FAM3B: variants seen among roughly 807,000 people sequenced by gnomAD.
FAM3B encodes the protein protein FAM3B.
In FAM3B, 29 loss-of-function variants were observed where a neutral mutation model predicts 28.4. The ratio of observed to expected loss-of-function variants is 1.02; its 90% CI spans 0.76 to 1.39. FAM3B has a LOEUF of 1.39. FAM3B is among the 40% of genes most tolerant of loss of function. The pLI, the probability that FAM3B is intolerant of heterozygous loss-of-function variation, is 0.00. For missense variants in FAM3B, 266 were observed against 293.9 expected (o/e 0.91, Z 0.69); for synonymous variants, 91 against 103.0 (o/e 0.88, Z 0.71).
chr21:41,342,501 T>C (rs2089016274), intron 3 of FAM3B, among the ~76,000 whole-genome samples: 1 of 152,182 alleles, frequency 6.6e-6, no homozygotes, highest in African/African-American at 2.4e-5. Context: ...CTAGAGCCTA[T>C]AGTCTATTTT....
rs1018707492 is a variant in FAM3B at position 41,349,897 on chromosome 21, C to T, written c.618+1173C>T. On this transcript the variant is annotated intron_variant, in intron 7 of 7. Transcript: ENST00000357985. ...GAGCCAGGAAGCCAGCCCTGCAGAA[C>T]GTGTAGGGAATGTTTCCCGGGGCCC... Among the ~76,000 whole-genome samples the T allele has an allele frequency of 1.1e-4, 16 of 152,198 alleles. No homozygotes were observed. In the South Asian group the frequency reaches 3.1e-3, roughly 30 times the overall value.
At chr21:41,327,578 G>C (rs1464515028) in intron 2 of FAM3B, among the ~76,000 whole-genome samples, 1 of 152,152 alleles carries the variant, frequency 6.6e-6, no homozygotes, top group Non-Finnish European at 1.5e-5. Context: ...CCCATTGGTT[G>C]TTCGGGAACA....
At chr21:41,307,468 T>C (rs983439421) in intron 1 of FAM3B, among the ~76,000 whole-genome samples, 3 of 152,258 alleles carry the variant, frequency 2.0e-5, no homozygotes, top group African/African-American at 7.2e-5. Flanking sequence ...TTAAAAACTT[T>C]CCTTTGCATT....
Position 41,348,517 on chromosome 21 carries a change from A to G in FAM3B, c.486-75A>G, listed in dbSNP as rs1172858211. On this transcript the variant is annotated intron_variant, in intron 6 of 7. Coordinates refer to ENST00000357985, the MANE Select transcript of FAM3B (RefSeq NM_058186.4). The stretch of plus-strand genomic sequence containing the variant: ...CCTCCATCCAAGGATGCACAGCGTA[A>G]CACATCCAGAGCAGAGTTCCTCTCC... 3.8e-6 allele frequency: 6 copies of G among 1,570,884 alleles called. No individual in the cohort carries two copies. The South Asian group carries it at 6.7e-5, about 18-fold the overall frequency.
chr21:41,316,621 G>C (rs1483658329), upstream of FAM3B: 3 of 363,282 alleles, frequency 8.3e-6, no homozygotes, highest in African/African-American at 4.2e-5. Context: ...GGCGGGGAAC[G>C]GGTCCACCCT....
At chr21:41,314,326 C>A (rs1601345542), upstream of FAM3B, among the ~76,000 whole-genome samples, 1 of 152,180 alleles carries the variant, frequency 6.6e-6, no homozygotes, top group East Asian at 1.9e-4. Flanking sequence ...TAAATGTGTG[C>A]TGTTTAAGTC....
At position 41,329,655 on chromosome 21, in the gene FAM3B, C is replaced by T. The variant is rs76245927; in HGVS notation, c.163+6589C>T. Among the ~76,000 whole-genome samples the T allele has an allele frequency of 1.7e-4, 26 of 152,080 alleles. No individual in the cohort carries two copies. In the East Asian group the frequency reaches 2.3e-3, roughly 14 times the overall value. On this transcript the variant is annotated intron_variant, in intron 2 of 7. Transcript: ENST00000357985. ...CACCATCTTGGCTCACTGCAATCTC[C>T]GCCTCCTGGGTTCAAGCGATTCTCC...
chr21:41,336,581 G>A (rs983100080), intron 2 of FAM3B, among the ~76,000 whole-genome samples: 4 of 152,112 alleles, frequency 2.6e-5, no homozygotes, highest in African/African-American at 9.7e-5. Flanking sequence ...CTAGCCTAAG[G>A]TATTTTTTTA....
intron 2 of FAM3B, among the ~76,000 whole-genome samples, chr21:41,330,562 T>A (rs1287862884): frequency 6.6e-6 from 1 of 152,200 alleles, no homozygotes; most frequent in Non-Finnish European, 1.5e-5. Flanking sequence ...TTTGTACATT[T>A]TGACCAACAT....
chr21:41,355,980 C>T (rs184932760), intron 7 of FAM3B, among the ~76,000 whole-genome samples: 33 of 151,410 alleles, frequency 2.2e-4, no homozygotes, highest in Middle Eastern at 6.8e-3. Context: ...AAACCCACTT[C>T]GGGATGAATA....
intron 1 of FAM3B, among the ~76,000 whole-genome samples, chr21:41,306,780 A>G (rs2088685035): frequency 6.6e-6 from 1 of 152,202 alleles, no homozygotes; most frequent in African/African-American, 2.4e-5. Context: ...ATTTGGGGGT[A>G]TAAGTGCAAT....
intron 2 of FAM3B, among the ~76,000 whole-genome samples, chr21:41,334,915 C>T (rs2088940354): frequency 6.6e-6 from 1 of 152,234 alleles, no homozygotes; most frequent in Non-Finnish European, 1.5e-5. Context: ...TGAGAGTCCA[C>T]CCCTCACACC....
chr21:41,332,980 G>C (rs980698435), intron 2 of FAM3B, among the ~76,000 whole-genome samples: 1 of 150,720 alleles, frequency 6.6e-6, no homozygotes, highest in Admixed American at 6.6e-5. Flanking sequence ...CTAACTTTGG[G>C]CTTAGTTTGT....
intron 2 of FAM3B, among the ~76,000 whole-genome samples, chr21:41,332,520 G>A (rs1392963408): frequency 6.6e-6 from 1 of 152,090 alleles, no homozygotes; most frequent in Non-Finnish European, 1.5e-5. Context: ...TTGGTATCAG[G>A]GTAATGCTGG....
rs766922280 is a variant in FAM3B at position 41,347,010 on chromosome 21, T to C, written c.398-3T>C. 1.2e-6 allele frequency: 2 copies of C among 1,613,920 alleles called. No individual in the cohort carries two copies. The highest frequency in any genetic ancestry group is 1.7e-5 in the Admixed American group (1 of 59,996). On this transcript the variant is annotated splice_polypyrimidine_tract_variant and splice_region_variant and intron_variant, in intron 5 of 7. Transcript: ENST00000357985. ...CCTAAAACTGACTTGCATCCCCCAATAGATAACTCTGGACCGATGACAAAG... is the reference window on the plus strand; with the variant it reads ...CCTAAAACTGACTTGCATCCCCCAACAGATAACTCTGGACCGATGACAAAG...
At chr21:41,345,344 G>A (rs1467402076) in intron 4 of FAM3B, among the ~76,000 whole-genome samples, 2 of 151,564 alleles carry the variant, frequency 1.3e-5, no homozygotes, top group African/African-American at 4.8e-5. Context: ...CCTGGCTGAG[G>A]GGGCTCTGGT....
chr21:41,307,896 G>T (rs1046822623), intron 1 of FAM3B, among the ~76,000 whole-genome samples: 2 of 152,030 alleles, frequency 1.3e-5, no homozygotes, highest in Non-Finnish European at 2.9e-5. Flanking sequence ...ACCAAAATGC[G>T]CCACAGAGAC....
At chr21:41,339,453 C>G (rs1461057238) in intron 3 of FAM3B, among the ~76,000 whole-genome samples, 2 of 152,130 alleles carry the variant, frequency 1.3e-5, no homozygotes, top group Non-Finnish European at 2.9e-5. Flanking sequence ...ACTCATGGGC[C>G]CTTGATAGGG....
At chr21:41,309,150 C>T (rs13049843) in intron 1 of FAM3B, among the ~76,000 whole-genome samples, 31,698 of 152,152 alleles carry the variant, frequency 0.21, 3,704 homozygotes, top group East Asian at 0.49. Context: ...TTCCACACTG[C>T]TCAAGTGAGC....
Sources: allele counts gnomAD v4.1 joint callset (sites outside exome capture counted in the v4.1 genomes callset), GRCh38; gene constraint gnomAD v4.1.1; transcripts MANE v1.5; gene names NCBI Gene and HGNC (gene_info 2026-07-23, HGNC 2026-07-21).